The following SYNDIG1 variants were observed in gnomAD, a reference collection of about 807,000 sequenced individuals.
SYNDIG1 encodes synapse differentiation inducing 1.
A neutral mutation model predicts 19.4 loss-of-function variants in SYNDIG1; 9 were observed. The ratio of observed to expected loss-of-function variants is 0.46; its 90% confidence interval spans 0.28 to 0.81. The LOEUF is 0.81. Ranked by LOEUF, SYNDIG1 falls within the 30% of genes least tolerant of loss-of-function variation. SYNDIG1 has a pLI of 0.12. For missense variants in SYNDIG1, 311 were observed against 343.3 expected (o/e 0.91, Z 0.74); for synonymous variants, 141 against 145.9 (o/e 0.97, Z 0.24).
At chr20:24,531,661 T>A (rs2057263006) in intron 1 of SYNDIG1, among the ~76,000 whole-genome samples, 1 of 151,738 alleles carries the variant, frequency 6.6e-6, no homozygotes, top group African/African-American at 2.4e-5. Context: ...TAATGAGTAA[T>A]CAAAATTTCT....
At chr20:24,523,488 T>A (rs2057051565) in intron 1 of SYNDIG1, among the ~76,000 whole-genome samples, 1 of 152,236 alleles carries the variant, frequency 6.6e-6, no homozygotes, top group Non-Finnish European at 1.5e-5. Context: ...AAACATTTAT[T>A]GTCAAGATTC....
rs71183379 is a variant in SYNDIG1, at chr20:24,600,605, C to CTT, written c.618+15629_618+15630dup. 4.4e-4 allele frequency among the ~76,000 whole-genome samples: 57 copies of CTT among 130,756 alleles called. 1 individual carries two copies. Among genetic ancestry groups the CTT allele is most frequent in the African/African-American group, 9.1e-4 (31 of 34,028 alleles). 85.8% of individuals were successfully genotyped at this position (130,756 alleles called of 152,430 possible). A position where few individuals can be genotyped will look rare whatever the true frequency, so the allele number is the denominator to read the frequency against. ...AACCTTCATGTCTTCATCTTTCTTT[C>CTT]TTTTTTTTTTTTTTTTTTGAGATGG... is the stretch of plus-strand genomic sequence containing the variant. On this transcript the variant is annotated intron_variant, in intron 3 of 3. Coordinates refer to ENST00000376862, the MANE Select transcript of SYNDIG1 (RefSeq NM_024893.3).
At chr20:24,554,652 G>A (rs2057775099) in intron 2 of SYNDIG1, among the ~76,000 whole-genome samples, 1 of 152,132 alleles carries the variant, frequency 6.6e-6, no homozygotes, top group Non-Finnish European at 1.5e-5. Context: ...CAGGGATGAA[G>A]CCCACTTGAT....
intron 2 of SYNDIG1, among the ~76,000 whole-genome samples, chr20:24,544,547 C>T (rs988449663): frequency 2.6e-5 from 4 of 152,096 alleles, no homozygotes; most frequent in Admixed American, 1.3e-4. Flanking sequence ...AATTCAGGAT[C>T]GTGGCCAGCA....
chr20:24,471,333 G>A (rs1392105647), intron 1 of SYNDIG1, among the ~76,000 whole-genome samples: 2 of 152,138 alleles, frequency 1.3e-5, no homozygotes, highest in African/African-American at 2.4e-5. Context: ...TTCTGGCGCG[G>A]ACAGGAAGAA....
intron 1 of SYNDIG1, among the ~76,000 whole-genome samples, chr20:24,487,546 A>G (rs1252719097): frequency 6.6e-6 from 1 of 152,194 alleles, no homozygotes; most frequent in African/African-American, 2.4e-5. Context: ...CAAAGGGTCC[A>G]GCGCACTTTT....
intron 1 of SYNDIG1, among the ~76,000 whole-genome samples, chr20:24,529,007 G>A (rs758489272): frequency 3.5e-4 from 53 of 152,212 alleles, no homozygotes; most frequent in Non-Finnish European, 6.3e-4. Context: ...GAAATTCTCA[G>A]AGATGAAGCC....
At chr20:24,647,184 G>A (rs2059429925) in intron 3 of SYNDIG1, among the ~76,000 whole-genome samples, 1 of 152,160 alleles carries the variant, frequency 6.6e-6, no homozygotes, top group South Asian at 2.1e-4. Flanking sequence ...TCTAAGTAAA[G>A]AAGTCAATAT....
intron 3 of SYNDIG1, 58 bp from the exon 4 acceptor site, chr20:24,665,288 C>G: frequency 6.4e-7 from 1 of 1,552,830 alleles, no homozygotes; most frequent in Non-Finnish European, 8.7e-7. Context: ...GAGCCCTCCA[C>G]TCACTGCTTG....
intron 2 of SYNDIG1, among the ~76,000 whole-genome samples, chr20:24,577,636 C>T (rs2058251250): frequency 6.6e-6 from 1 of 152,222 alleles, no homozygotes; most frequent in African/African-American, 2.4e-5. Context: ...AACATGAGTG[C>T]ACCTCCCGTA....
At chr20:24,471,762 T>C (rs2055470712) in intron 1 of SYNDIG1, among the ~76,000 whole-genome samples, 1 of 152,160 alleles carries the variant, frequency 6.6e-6, no homozygotes, top group Non-Finnish European at 1.5e-5. Flanking sequence ...TGGTAGAGTT[T>C]TGGAGGCCAC....
At chr20:24,531,306 A>C (rs1244603113) in intron 1 of SYNDIG1, among the ~76,000 whole-genome samples, 1 of 152,208 alleles carries the variant, frequency 6.6e-6, no homozygotes, top group Non-Finnish European at 1.5e-5. Flanking sequence ...CTTCCACTCT[A>C]TACAGTAACA....
At chr20:24,549,457 C>T (rs957008046) in intron 2 of SYNDIG1, among the ~76,000 whole-genome samples, 2 of 152,118 alleles carry the variant, frequency 1.3e-5, no homozygotes, top group Non-Finnish European at 2.9e-5. Context: ...CCTGATTCCC[C>T]TTGCAGGACG....
At chr20:24,637,137 A>C (rs909028690) in intron 3 of SYNDIG1, among the ~76,000 whole-genome samples, 7 of 152,232 alleles carry the variant, frequency 4.6e-5, no homozygotes, top group African/African-American at 1.7e-4. Flanking sequence ...CCAGCAGCTG[A>C]GGAGGGTACA....
intron 1 of SYNDIG1, among the ~76,000 whole-genome samples, chr20:24,519,246 C>T (rs183191765): frequency 4.2e-4 from 64 of 152,232 alleles, no homozygotes; most frequent in Admixed American, 3.1e-3. Flanking sequence ...CGATACTGTC[C>T]GTGAAATTGT....
chr20:24,627,968 T>C (rs1338714442), intron 3 of SYNDIG1, among the ~76,000 whole-genome samples: 1 of 152,248 alleles, frequency 6.6e-6, no homozygotes, highest in Non-Finnish European at 1.5e-5. Context: ...GCAGTATCTT[T>C]AAATCTTTTA....
At chr20:24,635,396 G>A (rs994802900) in intron 3 of SYNDIG1, among the ~76,000 whole-genome samples, 2 of 152,110 alleles carry the variant, frequency 1.3e-5, no homozygotes, top group African/African-American at 2.4e-5. Flanking sequence ...TTCCGAACGC[G>A]CTCTTCATTC....
At chr20:24,473,098 C>A (rs531075330) in intron 1 of SYNDIG1, among the ~76,000 whole-genome samples, 26 of 152,138 alleles carry the variant, frequency 1.7e-4, no homozygotes, top group Admixed American at 1.1e-3. Flanking sequence ...ATAGTTTGAA[C>A]AGATGTCACA....
At chr20:24,489,556 GACAGGCACAGAC>G (rs2056086695) in intron 1 of SYNDIG1, among the ~76,000 whole-genome samples, 1 of 151,940 alleles carries the variant, frequency 6.6e-6, no homozygotes, top group Non-Finnish European at 1.5e-5. Flanking sequence ...TGCTCACAGG[GACAGGCACAGAC>G]ACAGGCACAC....
Sources: gnomAD v4.1 joint callset for allele counts (sites outside exome capture counted in the v4.1 genomes callset) on GRCh38, gnomAD v4.1.1 for gene constraint, MANE v1.5 for transcripts, NCBI Gene and HGNC (gene_info 2026-07-23, HGNC 2026-07-21) for gene names.